The following ZNF140 variants were observed in gnomAD, a reference collection of about 807,000 sequenced individuals.
ZNF140 encodes zinc finger protein 140.
In ZNF140, 13 loss-of-function variants were observed where a neutral mutation model predicts 12.9. The ratio of observed to expected loss-of-function variants is 1.01; its 90% CI spans 0.66 to 1.60. The LOEUF is 1.60. Among genes scored for constraint, ZNF140 ranks in the 40% most tolerant of loss-of-function variants. The pLI, the probability that ZNF140 is intolerant of heterozygous loss-of-function variation, is 0.00. For synonymous variants in ZNF140, 214 were observed against 186.7 expected, an observed-to-expected ratio of 1.15 and a Z score of -1.19; for missense variants, 531 against 548.8, an observed-to-expected ratio of 0.97 and a Z score of 0.32.
chr12:133,106,503 G>A lies in ZNF140; in HGVS notation c.1226G>A (p.Gly409Glu), dbSNP rs747901476. 1 of 1,613,998 alleles carries A rather than the reference G, an allele frequency of 6.2e-7. No homozygotes were observed. Among genetic ancestry groups the A allele is most frequent in the Admixed American group, 1.7e-5 (1 of 60,014 alleles). The stretch of plus-strand genomic sequence containing the variant: ...ATTCTACATCAGAGAACTCATACTG[G>A]AGAGAAACCCTATGTATGTAAGGTA... ...SLILHQRTHT[G>E]EKPYVCKVCN... The change falls in exon 5 of 5, where the codon GGA (glycine) becomes GAA (glutamate). Residue 409 changes from glycine to glutamate, a missense_variant. Gly to Glu is a moderately conservative substitution (Grantham distance 98). Coordinates refer to ENST00000355557, the MANE Select transcript of ZNF140 (RefSeq NM_003440.4).
intron 4 of ZNF140, among the ~76,000 whole-genome samples, chr12:133,104,047 T>C (rs1955467889): frequency 1.3e-5 from 2 of 152,254 alleles, no homozygotes; most frequent in South Asian, 4.1e-4. Context: ...AGAAACAGTC[T>C]ATTTACCTTT....
chr12:133,093,605 G>GTTGTCTTT, intron 4 of ZNF140: 1 of 631,398 alleles, frequency 1.6e-6, no homozygotes, highest in Non-Finnish European at 2.9e-6. Context: ...TTTTATTTTT[G>GTTGTCTTT]TTGTCTTTCC....
Position 133,081,258 on chromosome 12 carries a change from TTCTC to T in ZNF140, c.-48-9_-48-6del. On this transcript the variant is annotated splice_polypyrimidine_tract_variant and intron_variant, in intron 1 of 4. Transcript: ENST00000355557. ...GCTGGCCTGTTCGCTCAGGGCTCCT[TTCTC>T]TCTCTGCCAGGTCTGCCATTTTACA... 1 of 1,489,320 alleles carries T rather than the reference TTCTC, an allele frequency of 6.7e-7. No individual in the cohort carries two copies. 92.3% of individuals were successfully genotyped at this position (1,489,320 alleles called of 1,614,324 possible).
intron 4 of ZNF140, among the ~76,000 whole-genome samples, chr12:133,103,178 AAGAGC>A (rs141753331): frequency 0.053 from 8,124 of 152,232 alleles, 707 homozygotes; most frequent in African/African-American, 0.19. Flanking sequence ...TCTATGTGAT[AAGAGC>A]ATTCAAAACT....
chr12:133,091,612 C>G (rs906967007), intron 4 of ZNF140, among the ~76,000 whole-genome samples: 1 of 150,520 alleles, frequency 6.6e-6, no homozygotes, highest in African/African-American at 2.5e-5. Context: ...GTCGCTGTCT[C>G]TCCGGAGCTG....
intron 4 of ZNF140, among the ~76,000 whole-genome samples, chr12:133,103,439 TTTTTTTG>T (rs1248171624): frequency 6.7e-6 from 1 of 149,140 alleles, no homozygotes; most frequent in African/African-American, 2.6e-5. Context: ...TTTTTTTTTT[TTTTTTTG>T]GGTAAAGACA....
chr12:133,082,647 A>T (rs1332107165), intron 2 of ZNF140: 2 of 155,358 alleles, frequency 1.3e-5, no homozygotes, highest in Non-Finnish European at 2.9e-5. Flanking sequence ...GATAACTGTG[A>T]CAAACTTGAG....
rs1341151290 is a variant in ZNF140, at chr12:133,083,472, C to A, written c.143C>A (p.Ser48Tyr). 6 of 1,611,444 alleles carry A rather than the reference C, an allele frequency of 3.7e-6. No individual in the cohort carries two copies. The highest frequency in any genetic ancestry group is 3.3e-5 in the South Asian group (3 of 90,360). The part of the protein sequence containing the change: ...NYGHLVSLGL[S>Y]ISKPDVVSLL... ...TTTCATTTTCTGCAAGCAGGTCTTT[C>A]CATTTCTAAGCCAGATGTGGTTTCC... The change falls in exon 4 of 5, where the codon TCC (serine) becomes TAC (tyrosine). Residue 48 changes from serine (S) to tyrosine (Y), a missense_variant. Coordinates refer to ENST00000355557, the MANE Select transcript of ZNF140 (RefSeq NM_003440.4).
intron 4 of ZNF140, among the ~76,000 whole-genome samples, chr12:133,103,794 C>T (rs1955455523): frequency 1.3e-5 from 2 of 152,106 alleles, no homozygotes; most frequent in Non-Finnish European, 2.9e-5. Context: ...TATTTATATT[C>T]TCAGTTCCTG....
Position 133,106,471 on chromosome 12 carries a change from T to C in ZNF140, c.1194T>C (p.Phe398=). Residue 398 remains phenylalanine (F), a synonymous_variant, in exon 5 of 5, where the codon TTT becomes TTC. Transcript: ENST00000355557. ...AECDKAFSRS[F]SLILHQRTHT... is the part of the protein sequence containing the mutation. Reference sequence around the variant, plus strand: ...GTGATAAAGCCTTCAGCCGGAGCTTTTCCCTCATTCTACATCAGAGAACTC... The same window carrying C: ...GTGATAAAGCCTTCAGCCGGAGCTTCTCCCTCATTCTACATCAGAGAACTC... The C allele has an allele frequency of 6.2e-7, 1 of 1,613,930 alleles. No individual in the cohort carries two copies. The highest frequency in any genetic ancestry group is 8.5e-7 in the Non-Finnish European group (1 of 1,179,960).
intron 4 of ZNF140, among the ~76,000 whole-genome samples, chr12:133,090,784 A>G (rs1954834599): frequency 7.0e-6 from 1 of 141,964 alleles, no homozygotes; most frequent in Non-Finnish European, 1.6e-5. Flanking sequence ...GGAGAAGGTC[A>G]GCAAAAAACA....
chr12:133,083,624 G>T, intron 4 of ZNF140, 63 bp downstream of exon 4: 3 of 1,469,470 alleles, frequency 2.0e-6, no homozygotes, highest in Non-Finnish European at 1.9e-6. Context: ...AATGAAAAAG[G>T]AATACTTTTT....
chr12:133,086,994 A>T (rs1954697576), intron 4 of ZNF140, among the ~76,000 whole-genome samples: 1 of 152,176 alleles, frequency 6.6e-6, no homozygotes, highest in South Asian at 2.1e-4. Context: ...TCAAATCTAT[A>T]CAGCCTTAGT....
intron 4 of ZNF140, among the ~76,000 whole-genome samples, chr12:133,086,933 T>C (rs1954695463): frequency 6.6e-6 from 1 of 152,252 alleles, no homozygotes; most frequent in Non-Finnish European, 1.5e-5. Flanking sequence ...ATGTCAATTT[T>C]TGTGTTTGTA....
intron 4 of ZNF140, 28 bp downstream of exon 4, chr12:133,083,589 A>G (rs1954573111): frequency 6.3e-7 from 1 of 1,589,544 alleles, no homozygotes; most frequent in South Asian, 1.1e-5. Context: ...TGATGGGGAA[A>G]TTTTTTAAAA....
chr12:133,091,301 C>T (rs1251878554), intron 4 of ZNF140, among the ~76,000 whole-genome samples: 1 of 151,074 alleles, frequency 6.6e-6, no homozygotes, highest in Non-Finnish European at 1.5e-5. Flanking sequence ...AAGTATACTG[C>T]TTGTAAACAT....
At position 133,091,204 on chromosome 12, in the gene ZNF140, T is replaced by A. The variant is rs7962619; in HGVS notation, c.232+7643T>A. On this transcript the variant is annotated intron_variant, in intron 4 of 4. Transcript: ENST00000355557. ...TTGGGAGAAACCTTGGACAATACCC[T>A]GCTTTCAAGGGCAGAGGTCTCTGCG... Among the ~76,000 whole-genome samples the A allele has an allele frequency of 2.9e-4, 44 of 150,096 alleles. 1 individual carries two copies. The highest frequency in any genetic ancestry group is 1.4e-3 in the East Asian group (7 of 5,110).
chr12:133,103,490 G>A (rs1955441013), intron 4 of ZNF140, among the ~76,000 whole-genome samples: 1 of 150,060 alleles, frequency 6.7e-6, no homozygotes, highest in African/African-American at 2.5e-5. Flanking sequence ...TGTTTAGGCT[G>A]GTCTCAAACT....
intron 4 of ZNF140, among the ~76,000 whole-genome samples, chr12:133,090,886 C>G (rs901440276): frequency 7.2e-6 from 1 of 139,570 alleles, no homozygotes; most frequent in African/African-American, 2.6e-5. Context: ...TCTCTCCACC[C>G]AAACATCTCA....
Sources: allele counts gnomAD v4.1 joint callset (sites outside exome capture counted in the v4.1 genomes callset), GRCh38; gene constraint gnomAD v4.1.1; transcripts MANE v1.5; gene names NCBI Gene and HGNC (gene_info 2026-07-23, HGNC 2026-07-21).